Variants in NEK6 observed in about 807,000 individuals in gnomAD.
NEK6 encodes NIMA related kinase 6.
NEK6 carries 27 observed loss-of-function variants against 43.5 expected under a neutral mutation model. The ratio of observed to expected loss-of-function variants is 0.62; its 90% CI spans 0.46 to 0.86. The LOEUF is 0.86. Among genes scored for constraint, NEK6 ranks in the 40% least tolerant of loss-of-function variants. The pLI, the probability that NEK6 is intolerant of heterozygous loss-of-function variation, is 0.00. For synonymous variants in NEK6, 167 were observed against 164.1 expected (o/e 1.02, Z -0.14); for missense variants, 318 against 414.4 (o/e 0.77, Z 2.02).
chr9:124,340,977 A>G (rs1829582057), intron 8 of NEK6, among the ~76,000 whole-genome samples: 1 of 152,180 alleles, frequency 6.6e-6, no homozygotes, highest in Admixed American at 6.5e-5. Context: ...TCCCCTCCCC[A>G]CATTACAGAT....
intron 1 of NEK6, among the ~76,000 whole-genome samples, chr9:124,301,641 T>G (rs970245303): frequency 6.6e-6 from 1 of 152,122 alleles, no homozygotes; most frequent in Non-Finnish European, 1.5e-5. Context: ...AAATGTGGGG[T>G]TGAATCCGGT....
intron 1 of NEK6, chr9:124,291,948 G>T (rs1328231755): frequency 7.7e-5 from 76 of 986,070 alleles, no homozygotes; most frequent in Non-Finnish European, 8.9e-5. Context: ...AGTCCCATGC[G>T]GAGACAGAGG....
Position 124,263,992 on chromosome 9 carries a change from G to A in NEK6, c.-30+5907G>A, listed in dbSNP as rs189603327. Among the ~76,000 whole-genome samples the A allele has an allele frequency of 2.6e-3, 389 of 152,358 alleles. 2 individuals carry two copies. Among genetic ancestry groups the A allele is most frequent in the African/African-American group, 9.2e-3 (381 of 41,588 alleles). On this transcript the variant is annotated intron_variant, in intron 1 of 9. Coordinates refer to ENST00000320246, the MANE Select transcript of NEK6 (RefSeq NM_014397.6). ...AGATGTTTTGTTAATTATTTACACA[G>A]CGTCGGCCCCGCAGAGGACTGCGCT...
chr9:124,347,167 C>G (rs890838808), intron 8 of NEK6, among the ~76,000 whole-genome samples: 1 of 152,212 alleles, frequency 6.6e-6, no homozygotes, highest in Admixed American at 6.5e-5. Context: ...GCCCTGATAC[C>G]GGCAGCTGGC....
intron 8 of NEK6, among the ~76,000 whole-genome samples, chr9:124,347,154 C>G (rs902667940): frequency 1.3e-5 from 2 of 152,230 alleles, no homozygotes; most frequent in African/African-American, 2.4e-5. Flanking sequence ...CCCTGCTCCC[C>G]CTGCCCTGAT....
At chr9:124,327,193 G>A in intron 6 of NEK6, 145 bp from the exon 7 acceptor site, 1 of 681,580 alleles carries the variant, frequency 1.5e-6, no homozygotes, top group Non-Finnish European at 2.6e-6. Context: ...ATTTCCCGAG[G>A]TCCCACAGCC....
intron 4 of NEK6, among the ~76,000 whole-genome samples, chr9:124,318,167 C>T (rs144151621): frequency 1.5e-4 from 23 of 152,312 alleles, no homozygotes; most frequent in Admixed American, 3.9e-4. Context: ...CCCTTTTCTT[C>T]GCAGCCTCAC....
At chr9:124,263,926 C>T (rs1453373120) in intron 1 of NEK6, among the ~76,000 whole-genome samples, 1 of 152,226 alleles carries the variant, frequency 6.6e-6, no homozygotes, top group Non-Finnish European at 1.5e-5. Flanking sequence ...CTCTGAAGGC[C>T]CTGAGAGCTG....
In NEK6 at chr9:124,339,651, T is replaced by C; in HGVS notation, c.703T>C (p.Cys235Arg). Residue 235 changes from cysteine (C) to arginine (R), a missense_variant, in exon 8 of 10, where the codon TGT (cysteine) becomes CGT (arginine). Transcript: ENST00000320246. The stretch of plus-strand genomic sequence containing the variant: ...CAAGTCCGACATCTGGTCCCTGGGC[T>C]GTCTGCTGTACGAGGTGAGTCTCTG... Reference protein sequence around the residue: ...NFKSDIWSLGCLLYEMAALQS... With the variant: ...NFKSDIWSLGRLLYEMAALQS... 3 of 1,613,038 alleles carry C rather than the reference T, an allele frequency of 1.9e-6. No homozygotes were observed. The highest frequency in any genetic ancestry group is 2.5e-6 in the Non-Finnish European group (3 of 1,178,964).
intron 2 of NEK6, among the ~76,000 whole-genome samples, chr9:124,303,552 G>A (rs1364117815): frequency 6.6e-6 from 1 of 152,230 alleles, no homozygotes; most frequent in Non-Finnish European, 1.5e-5. Flanking sequence ...ACACAGAGGC[G>A]ACACGTTGAG....
At chr9:124,291,141 C>T (rs1227938982) in intron 1 of NEK6, among the ~76,000 whole-genome samples, 1 of 152,186 alleles carries the variant, frequency 6.6e-6, no homozygotes, top group African/African-American at 2.4e-5. Context: ...TCATGTAACC[C>T]ACCAGCACCC....
At chr9:124,287,284 G>A (rs1361473067) in intron 1 of NEK6, among the ~76,000 whole-genome samples, 1 of 152,216 alleles carries the variant, frequency 6.6e-6, no homozygotes, top group Non-Finnish European at 1.5e-5. Context: ...ACCAGCAGGG[G>A]CCAGCCTGGT....
At chr9:124,279,088 C>G (rs577991408) in intron 1 of NEK6, among the ~76,000 whole-genome samples, 5 of 151,648 alleles carry the variant, frequency 3.3e-5, no homozygotes, top group African/African-American at 4.8e-5. Flanking sequence ...TCTGGCCTGG[C>G]CTGGAGAGGA....
chr9:124,262,667 A>G (rs941472688), intron 1 of NEK6, among the ~76,000 whole-genome samples: 1 of 152,202 alleles, frequency 6.6e-6, no homozygotes, highest in Non-Finnish European at 1.5e-5. Flanking sequence ...GGGCCATGGG[A>G]ATTGAAAGAT....
Position 124,326,114 on chromosome 9 carries a change from G to A in NEK6, c.406-216G>A, listed in dbSNP as rs1261505021. On this transcript the variant is annotated intron_variant, in intron 5 of 9. Coordinates refer to ENST00000320246, the MANE Select transcript of NEK6 (RefSeq NM_014397.6). This position sits in a 1 kb window ranked among gnomAD's most constrained non-coding sequence, Gnocchi z 4.5. ...TCACGGAGCTTGCTGGGTTGGGACA[G>A]GGTGGCTGCAGAGTGCCATTCAGGC... Among the ~76,000 whole-genome samples the A allele has an allele frequency of 6.6e-6, 1 of 152,236 alleles. No individual in the cohort carries two copies. Among genetic ancestry groups the A allele is most frequent in the East Asian group, 1.9e-4 (1 of 5,200 alleles).
At chr9:124,266,470 G>T (rs1831232011) in intron 1 of NEK6, among the ~76,000 whole-genome samples, 1 of 152,208 alleles carries the variant, frequency 6.6e-6, no homozygotes, top group African/African-American at 2.4e-5. Context: ...TGACCAGGAT[G>T]TGCCCTCAGG....
At chr9:124,327,856 T>A (rs1273173666) in intron 7 of NEK6, among the ~76,000 whole-genome samples, 2 of 152,160 alleles carry the variant, frequency 1.3e-5, no homozygotes, top group Non-Finnish European at 2.9e-5. Flanking sequence ...TTTGAGGCTG[T>A]GGGGACCAGG....
At chr9:124,336,673 G>T (rs1829309724) in intron 7 of NEK6, among the ~76,000 whole-genome samples, 1 of 152,122 alleles carries the variant, frequency 6.6e-6, no homozygotes, top group Non-Finnish European at 1.5e-5. Flanking sequence ...ATGACATGGT[G>T]TCTCCAGGCC....
chr9:124,283,804 G>C (rs1832031823), intron 1 of NEK6, among the ~76,000 whole-genome samples: 1 of 152,254 alleles, frequency 6.6e-6, no homozygotes, highest in African/African-American at 2.4e-5. Flanking sequence ...CCGTTCCGAG[G>C]AAAAATCCCA....
Sources: gnomAD v4.1 joint callset for allele counts (sites outside exome capture counted in the v4.1 genomes callset) on GRCh38, gnomAD v4.1.1 for gene constraint, Gnocchi (gnomAD v3.1) non-coding constraint, MANE v1.5 for transcripts, NCBI Gene and HGNC (gene_info 2026-07-23, HGNC 2026-07-21) for gene names.